The following PALLD variants were observed in gnomAD, a reference collection of about 807,000 sequenced individuals.
PALLD encodes the protein palladin, cytoskeletal associated protein.
PALLD carries 61 observed loss-of-function variants against 123.5 expected under a neutral mutation model. That is an observed-to-expected ratio of 0.49 (90% CI 0.40 to 0.61). The LOEUF is 0.61. PALLD is among the 20% of genes least tolerant of loss of function. The pLI, the probability that PALLD is intolerant of heterozygous loss-of-function variation, is 0.00. For missense variants in PALLD, 1,273 were observed against 1,377.0 expected, an observed-to-expected ratio of 0.92 and a Z score of 1.20; for synonymous variants, 465 against 496.4, an observed-to-expected ratio of 0.94 and a Z score of 0.84.
In PALLD at chr4:168,730,995, G is replaced by A. The variant is rs181701302; in HGVS notation, c.1964+19072G>A. Among the ~76,000 whole-genome samples, 199 of 152,172 alleles carry A rather than the reference G, an allele frequency of 1.3e-3. 1 individual carries two copies. The highest frequency in any genetic ancestry group is 2.3e-3 in the South Asian group (11 of 4,814). ...ATGGTTGACTACCTACAAGAAATGG[G>A]GGAAGGGATTCAGCTGCCTTCCTAC... On this transcript the variant is annotated intron_variant, in intron 10 of 21. Coordinates refer to ENST00000505667, the MANE Select transcript of PALLD (RefSeq NM_001166108.2).
chr4:168,681,313 A>G lies in PALLD; in HGVS notation c.1088-19A>G. The G allele has an allele frequency of 6.7e-7, 1 of 1,483,108 alleles. No individual in the cohort carries two copies. The highest frequency in any genetic ancestry group is 9.4e-7 in the Non-Finnish European group (1 of 1,061,434). 91.9% of individuals were successfully genotyped at this position (1,483,108 alleles called of 1,614,324 possible). On this transcript the variant is annotated intron_variant, in intron 3 of 21. Coordinates refer to ENST00000505667, the MANE Select transcript of PALLD (RefSeq NM_001166108.2). ...ACACTGATATCTTAACTTTACCATT[A>G]TCTTTAATACTTTCCCAGGTGCCAG...
intron 2 of PALLD, among the ~76,000 whole-genome samples, chr4:168,596,721 TA>T (rs56390001): frequency 0.14 from 18,115 of 132,742 alleles, 1,304 homozygotes; most frequent in Non-Finnish European, 0.19. Context: ...TTGGCCTTGT[TA>T]AAAAAAAAAA....
chr4:168,647,495 C>A (rs913008993), intron 2 of PALLD, among the ~76,000 whole-genome samples: 1 of 152,060 alleles, frequency 6.6e-6, no homozygotes, highest in Non-Finnish European at 1.5e-5. Context: ...AAAGAGGTGG[C>A]ATGTGGCCGG....
At chr4:168,545,948 C>T (rs1462418798) in intron 2 of PALLD, among the ~76,000 whole-genome samples, 2 of 152,166 alleles carry the variant, frequency 1.3e-5, no homozygotes, top group Admixed American at 1.3e-4. Flanking sequence ...TAGGAAGCTC[C>T]CATTTTCAAA....
At chr4:168,575,217 G>A (rs150393305) in intron 2 of PALLD, among the ~76,000 whole-genome samples, 97 of 152,188 alleles carry the variant, frequency 6.4e-4, no homozygotes, top group African/African-American at 2.0e-3. Flanking sequence ...GGATTAGTCC[G>A]TTTTCACACT....
At chr4:168,816,174 C>T (rs931339617) in intron 10 of PALLD, among the ~76,000 whole-genome samples, 1 of 152,080 alleles carries the variant, frequency 6.6e-6, no homozygotes, top group Non-Finnish European at 1.5e-5. Flanking sequence ...ACAGCTCTTT[C>T]TTAAATAGGG....
chr4:168,541,980 G>A (rs1561227319), intron 2 of PALLD, among the ~76,000 whole-genome samples: 1 of 152,128 alleles, frequency 6.6e-6, no homozygotes, highest in Admixed American at 6.5e-5. Flanking sequence ...GAGTTGCAGA[G>A]GTGAGGGGAA....
In PALLD at chr4:168,722,528, T is replaced by A. The variant is rs184685876; in HGVS notation, c.1964+10605T>A. 2.3e-3 allele frequency among the ~76,000 whole-genome samples: 356 copies of A among 152,296 alleles called. 1 individual carries two copies. Among genetic ancestry groups the A allele is most frequent in the African/African-American group, 8.1e-3 (336 of 41,560 alleles). Reference sequence around the variant, plus strand: ...GTCAGGAAAGTATGCGATGAAGGCATCTGCTGAAAGAGGAAAGACAGTTGT... The same window carrying A: ...GTCAGGAAAGTATGCGATGAAGGCAACTGCTGAAAGAGGAAAGACAGTTGT... On this transcript the variant is annotated intron_variant, in intron 10 of 21. Transcript: ENST00000505667.
intron 11 of PALLD, among the ~76,000 whole-genome samples, chr4:168,892,796 G>A (rs937661358): frequency 1.3e-5 from 2 of 151,496 alleles, no homozygotes; most frequent in Non-Finnish European, 2.9e-5. Flanking sequence ...GTTAAGGTAA[G>A]ACTTCCTTAA....
At chr4:168,704,362 T>C (rs1047159920) in intron 8 of PALLD, among the ~76,000 whole-genome samples, 33 of 152,230 alleles carry the variant, frequency 2.2e-4, no homozygotes. Flanking sequence ...ACCATATACC[T>C]GTTTGTACCT....
chr4:168,564,298 G>A (rs531585886), intron 2 of PALLD, among the ~76,000 whole-genome samples: 1 of 152,298 alleles, frequency 6.6e-6, no homozygotes, highest in African/African-American at 2.4e-5. Context: ...AACATAACCA[G>A]TGTCTCAAGT....
At chr4:168,566,507 A>C (rs1346459358) in intron 2 of PALLD, among the ~76,000 whole-genome samples, 3 of 152,068 alleles carry the variant, frequency 2.0e-5, no homozygotes, top group African/African-American at 7.2e-5. Context: ...TATGCTGCCC[A>C]GGCTGGTCTC....
intron 2 of PALLD, among the ~76,000 whole-genome samples, chr4:168,665,975 C>G (rs1779608461): frequency 9.8e-6 from 1 of 101,826 alleles, no homozygotes; most frequent in Non-Finnish European, 1.9e-5. Context: ...CCCCGCCCCC[C>G]ACCAAAAAAA....
intron 1 of PALLD, among the ~76,000 whole-genome samples, chr4:168,507,900 A>G (rs1167192843): frequency 6.6e-6 from 1 of 152,000 alleles, no homozygotes; most frequent in Non-Finnish European, 1.5e-5. Flanking sequence ...TGAGTCTGCC[A>G]TGTGCTCTCT....
intron 2 of PALLD, chr4:168,648,273 A>T (rs1406881263): frequency 6.6e-6 from 1 of 152,178 alleles, no homozygotes; most frequent in South Asian, 2.1e-4. Context: ...TCATAATGGA[A>T]TAGCAGCTTC....
chr4:168,502,345 ACTTT>A (rs1310519834), intron 1 of PALLD, among the ~76,000 whole-genome samples: 1 of 152,172 alleles, frequency 6.6e-6, no homozygotes, highest in Non-Finnish European at 1.5e-5. Flanking sequence ...TTCATGAGAA[ACTTT>A]CTTTGAGGGT....
chr4:168,553,111 C>T (rs1561239401), intron 2 of PALLD, among the ~76,000 whole-genome samples: 1 of 152,266 alleles, frequency 6.6e-6, no homozygotes, highest in African/African-American at 2.4e-5. Flanking sequence ...GATGTGAAAA[C>T]TGAGTCTCAG....
At chr4:168,803,911 G>T (rs1739748003) in intron 10 of PALLD, among the ~76,000 whole-genome samples, 1 of 152,170 alleles carries the variant, frequency 6.6e-6, no homozygotes, top group African/African-American at 2.4e-5. Context: ...ACGGAGGGTT[G>T]CTTGTTTGGA....
At chr4:168,757,739 C>A (rs1035007738) in intron 10 of PALLD, among the ~76,000 whole-genome samples, 1 of 152,204 alleles carries the variant, frequency 6.6e-6, no homozygotes, top group Non-Finnish European at 1.5e-5. Flanking sequence ...ACAGGTGTCA[C>A]TATACCACTT....
Sources: allele counts gnomAD v4.1 joint callset (sites outside exome capture counted in the v4.1 genomes callset), GRCh38; gene constraint gnomAD v4.1.1; transcripts MANE v1.5; gene names NCBI Gene and HGNC (gene_info 2026-07-23, HGNC 2026-07-21).